Variants in ITPRID1 observed in about 807,000 individuals in gnomAD.
ITPRID1 encodes protein ITPRID1.
A neutral mutation model predicts 95.4 loss-of-function variants in ITPRID1; 96 were observed. The ratio of observed to expected loss-of-function variants is 1.01; its 90% CI spans 0.85 to 1.19. The LOEUF (loss-of-function observed/expected upper bound fraction) is 1.19. ITPRID1 is among the 50% of genes most tolerant of loss of function. The probability of loss-of-function intolerance (pLI) is 0.00; values close to 1 mark genes in which losing one functional copy is unlikely to be tolerated. For missense variants in ITPRID1, 1,339 were observed against 1,252.9 expected (o/e 1.07, Z -1.04); for synonymous variants, 510 against 453.6 (o/e 1.12, Z -1.58).
chr7:31,615,461 TATTAGTACTA>T (rs1787113865), intron 10 of ITPRID1, among the ~76,000 whole-genome samples: 1 of 152,154 alleles, frequency 6.6e-6, no homozygotes, highest in Non-Finnish European at 1.5e-5. Context: ...GGCAGTTAGT[TATTAGTACTA>T]TGGACGCATC....
intron 10 of ITPRID1, among the ~76,000 whole-genome samples, chr7:31,622,544 G>A (rs1788016323): frequency 6.6e-6 from 1 of 151,550 alleles, no homozygotes; most frequent in African/African-American, 2.4e-5. Flanking sequence ...AAATAAAGAT[G>A]TTCTTTGAAA....
At position 31,521,620 on chromosome 7, in the gene ITPRID1, CTCCTTCCTTCCTTCCTTCCTTCCTTCCT is replaced by C. The variant is rs201520895; in HGVS notation, c.-98+7541_-98+7568del. ...GTTTGTCCAGCTTTTTCTCCTTTCCCTCCTTCCTTCCTTCCTTCCTTCCTTCCTTCCTTCCTTCCTTCCTTCCTTCCTT... is the reference window on the plus strand; with the variant it reads ...GTTTGTCCAGCTTTTTCTCCTTTCCCTCCTTCCTTCCTTCCTTCCTTCCTT... On this transcript the variant is annotated intron_variant, in intron 1 of 14. Transcript: ENST00000615280. Among the ~76,000 whole-genome samples the C allele has an allele frequency of 2.1e-3, 145 of 69,762 alleles. 1 individual carries two copies. Among genetic ancestry groups the C allele is most frequent in the Middle Eastern group, 0.02 (3 of 150 alleles). The allele number at this position is 69,762 out of a possible 152,430, so 45.8% of individuals were successfully genotyped here. A position where few individuals can be genotyped will look rare whatever the true frequency, so the allele number is the denominator to read the frequency against.
intron 5 of ITPRID1, chr7:31,555,110 C>T: frequency 1.9e-6 from 1 of 523,020 alleles, no homozygotes; most frequent in Non-Finnish European, 3.4e-6. Flanking sequence ...AGGGCCGAAC[C>T]CAGGGCTCTT....
intron 10 of ITPRID1, among the ~76,000 whole-genome samples, chr7:31,630,293 C>T (rs1449823908): frequency 6.9e-6 from 1 of 145,832 alleles, no homozygotes; most frequent in Non-Finnish European, 1.5e-5. Context: ...AGTAATACTA[C>T]CAAATATTGA....
rs1362403958 is a variant in ITPRID1, at chr7:31,551,301, A to C, written c.-23-1701A>C. On this transcript the variant is annotated intron_variant, in intron 2 of 14. Transcript: ENST00000615280. The stretch of plus-strand genomic sequence containing the variant: ...AAAGACCCAAAACCTATGTGAAGCT[A>C]AATAACTAAAATTTCAGTGAGTTTT... Among the ~76,000 whole-genome samples, 40 of 143,556 alleles carry C rather than the reference A, an allele frequency of 2.8e-4. 3 individuals carry two copies. The highest frequency in any genetic ancestry group is 1.6e-5 in the Non-Finnish European group (1 of 63,700). The allele number at this position is 143,556 out of a possible 152,430, so 94.2% of individuals were successfully genotyped here. A position where few individuals can be genotyped will look rare whatever the true frequency, so the allele number is the denominator to read the frequency against.
rs1340353008 is a variant in ITPRID1 at position 31,519,616 on chromosome 7, C to CTATA, written c.-98+5497_-98+5498insATAT. Among the ~76,000 whole-genome samples the CTATA allele has an allele frequency of 1.0e-3, 39 of 38,464 alleles. 1 individual carries two copies. The highest frequency in any genetic ancestry group is 1.2e-3 in the Non-Finnish European group (25 of 20,340). 25.2% of individuals were successfully genotyped at this position (38,464 alleles called of 152,430 possible). On this transcript the variant is annotated intron_variant, in intron 1 of 14. Coordinates refer to ENST00000615280, the MANE Select transcript of ITPRID1 (RefSeq NM_001257967.3). ...TCTCTCTCTCTCTCTCTCTCTCTCT[C>CTATA]TCTCTATATATATATATATATATAT...
chr7:31,622,560 G>A (rs1299829198), intron 10 of ITPRID1, among the ~76,000 whole-genome samples: 3 of 151,768 alleles, frequency 2.0e-5, no homozygotes, highest in East Asian at 1.9e-4. Flanking sequence ...TGAAACCAAC[G>A]AGAATAAAGA....
intron 10 of ITPRID1, among the ~76,000 whole-genome samples, chr7:31,623,729 A>T (rs1324852291): frequency 7.0e-6 from 1 of 141,894 alleles, no homozygotes; most frequent in East Asian, 2.2e-4. Flanking sequence ...TGAAACCTCT[A>T]TCACCACGCC....
intron 12 of ITPRID1, among the ~76,000 whole-genome samples, chr7:31,645,407 T>C (rs1790377672): frequency 6.6e-6 from 1 of 152,200 alleles, no homozygotes. Context: ...TATATGAACC[T>C]AATATTAGTG....
At chr7:31,594,109 G>A (rs776332002) in intron 10 of ITPRID1, among the ~76,000 whole-genome samples, 13 of 152,062 alleles carry the variant, frequency 8.5e-5, no homozygotes, top group South Asian at 4.1e-4. Context: ...TCTATGTTGC[G>A]ATACCCAAAT....
chr7:31,598,243 A>G (rs920560675), intron 10 of ITPRID1, among the ~76,000 whole-genome samples: 1 of 152,212 alleles, frequency 6.6e-6, no homozygotes, highest in African/African-American at 2.4e-5. Context: ...CACTCTAAAA[A>G]GAAACTGATA....
At chr7:31,515,214 T>A (rs557741315) in intron 1 of ITPRID1, among the ~76,000 whole-genome samples, 1 of 152,070 alleles carries the variant, frequency 6.6e-6, no homozygotes, top group Non-Finnish European at 1.5e-5. Flanking sequence ...TTTCCACTAC[T>A]TCTCCACTAG....
chr7:31,574,458 G>A, intron 7 of ITPRID1, 82 bp from the exon 8 acceptor site: 1 of 1,198,692 alleles, frequency 8.3e-7, no homozygotes, highest in Non-Finnish European at 1.2e-6. Context: ...GTATCTGGGA[G>A]ATTGGGTGGA....
intron 10 of ITPRID1, among the ~76,000 whole-genome samples, chr7:31,617,453 A>G (rs1365423611): frequency 6.6e-6 from 1 of 151,844 alleles, no homozygotes; most frequent in Admixed American, 6.6e-5. Context: ...GTTTAATTAA[A>G]AGAAAATGTG....
In ITPRID1 at chr7:31,553,037, A is replaced by G; in HGVS notation, c.13A>G (p.Lys5Glu). Residue 5 changes from lysine to glutamate, a missense_variant, in exon 3 of 15, where the codon AAA (lysine) becomes GAA (glutamate). By Grantham distance (56) the Lys-to-Glu change is moderately conservative. Transcript: ENST00000615280. Reference protein sequence around the residue: MMAQKSQGSDNLQEG... With the variant: MMAQESQGSDNLQEG... The stretch of plus-strand genomic sequence containing the variant: ...GAATTACTCTCCTATGATGGCACAG[A>G]AATCACAAGGATCTGACAACCTTCA... 6.2e-7 allele frequency: 1 copy of G among 1,609,910 alleles called. No homozygotes were observed. The highest frequency in any genetic ancestry group is 1.1e-5 in the South Asian group (1 of 90,048).
chr7:31,576,326 TCAATCTACC>T (rs1785181933), intron 8 of ITPRID1, among the ~76,000 whole-genome samples: 1 of 152,196 alleles, frequency 6.6e-6, no homozygotes, highest in East Asian at 1.9e-4. Context: ...AGTCCATTGT[TCAATCTACC>T]CAAAGGCAAA....
At chr7:31,617,118 G>A (rs529565938) in intron 10 of ITPRID1, among the ~76,000 whole-genome samples, 23 of 152,106 alleles carry the variant, frequency 1.5e-4, no homozygotes, top group Middle Eastern at 6.8e-3. Flanking sequence ...AGCTCGTCCC[G>A]GTATAATTTA....
At position 31,654,377 on chromosome 7, in the gene ITPRID1, G is replaced by A. The variant is rs142465710; in HGVS notation, c.*1548G>A. ...GGGAGGGGAAGGCTGAGAGGGGATC[G>A]GTCAGACTATAGGCCATGACCAAGT... On this transcript the variant is annotated 3_prime_UTR_variant, in exon 15 of 15. Coordinates refer to ENST00000615280, the MANE Select transcript of ITPRID1 (RefSeq NM_001257967.3). 1.1e-4 allele frequency among the ~76,000 whole-genome samples: 16 copies of A among 152,254 alleles called. No homozygotes were observed. The East Asian group carries it at 2.7e-3, about 26-fold the overall frequency.
intron 10 of ITPRID1, among the ~76,000 whole-genome samples, chr7:31,589,274 G>T (rs150826367): frequency 1.1e-4 from 17 of 152,074 alleles, no homozygotes; most frequent in Non-Finnish European, 2.4e-4. Flanking sequence ...TCCAACAATC[G>T]GAAGATCAGG....
Sources: allele counts gnomAD v4.1 joint callset (sites outside exome capture counted in the v4.1 genomes callset), GRCh38; gene constraint gnomAD v4.1.1; transcripts MANE v1.5; gene names NCBI Gene and HGNC (gene_info 2026-07-23, HGNC 2026-07-21).